Variants in ARHGEF12 observed in about 807,000 individuals in gnomAD.
The protein encoded by ARHGEF12 is Rho guanine nucleotide exchange factor 12.
A neutral mutation model predicts 211.2 loss-of-function variants in ARHGEF12; 66 were observed. The observed-to-expected ratio is 0.31, with a 90% CI of 0.26 to 0.38. The LOEUF (loss-of-function observed/expected upper bound fraction) is 0.38, where lower values mean the gene tolerates loss of function less well. ARHGEF12 is among the 10% of genes least tolerant of loss of function. The pLI, the probability that ARHGEF12 is intolerant of heterozygous loss-of-function variation, is 1.00. For synonymous variants in ARHGEF12, 592 were observed against 638.4 expected (o/e 0.93, Z 1.09); for missense variants, 1,429 against 1,869.5 (o/e 0.76, Z 4.34).
At chr11:120,359,146 T>C (rs1448294629) in intron 1 of ARHGEF12, among the ~76,000 whole-genome samples, 1 of 152,166 alleles carries the variant, frequency 6.6e-6, no homozygotes, top group Non-Finnish European at 1.5e-5. Context: ...ATCATTTCTA[T>C]AATCTGTTGG....
At chr11:120,448,386 A>G in intron 20 of ARHGEF12, 38 bp downstream of exon 20, 2 of 1,520,282 alleles carry the variant, frequency 1.3e-6, no homozygotes, top group Non-Finnish European at 1.8e-6. Flanking sequence ...TTCAGGCCTT[A>G]GGGCTTCTTT....
intron 1 of ARHGEF12, among the ~76,000 whole-genome samples, chr11:120,347,121 T>C (rs1942756878): frequency 2.1e-5 from 3 of 146,280 alleles, no homozygotes; most frequent in African/African-American, 7.8e-5. Flanking sequence ...GCCTCTCCCT[T>C]TCTTTCTTTC....
At chr11:120,467,683 C>T (rs1025881654) in intron 29 of ARHGEF12, among the ~76,000 whole-genome samples, 2 of 149,804 alleles carry the variant, frequency 1.3e-5, no homozygotes, top group Non-Finnish European at 3.0e-5. Context: ...TCAAGCAGTC[C>T]TCCTGCCTCC....
At chr11:120,390,822 A>G (rs1281397060) in intron 1 of ARHGEF12, among the ~76,000 whole-genome samples, 1 of 152,164 alleles carries the variant, frequency 6.6e-6, no homozygotes, top group Non-Finnish European at 1.5e-5. Flanking sequence ...TCCCTCTTCT[A>G]CTAGTTATAT....
chr11:120,455,006 C>G (rs1946322419), intron 22 of ARHGEF12, among the ~76,000 whole-genome samples: 1 of 151,944 alleles, frequency 6.6e-6, no homozygotes, highest in African/African-American at 2.4e-5. Context: ...TATTTTCAGA[C>G]CACCACAGCG....
intron 4 of ARHGEF12, among the ~76,000 whole-genome samples, chr11:120,418,406 T>C (rs898194450): frequency 3.9e-5 from 6 of 152,248 alleles, no homozygotes; most frequent in Admixed American, 2.6e-4. Flanking sequence ...CTTTTCTTCC[T>C]TCCTAATACA....
chr11:120,378,202 T>C (rs1315598477), intron 1 of ARHGEF12, among the ~76,000 whole-genome samples: 1 of 152,242 alleles, frequency 6.6e-6, no homozygotes, highest in Non-Finnish European at 1.5e-5. Flanking sequence ...TTTTTAATTT[T>C]AGTCATTGTA....
intron 39 of ARHGEF12, among the ~76,000 whole-genome samples, chr11:120,482,039 G>A (rs536699872): frequency 1.1e-4 from 16 of 152,140 alleles, no homozygotes; most frequent in Non-Finnish European, 1.9e-4. Flanking sequence ...GATTACAGGC[G>A]TGAGCCACCG....
intron 1 of ARHGEF12, among the ~76,000 whole-genome samples, chr11:120,377,500 A>T (rs1423307645): frequency 6.6e-6 from 1 of 151,806 alleles, no homozygotes; most frequent in Non-Finnish European, 1.5e-5. Context: ...ACAGCACCAC[A>T]CCTAGCTAAT....
At position 120,336,495 on chromosome 11, in the gene ARHGEF12, G is replaced by A. The variant is rs1942350360; in HGVS notation, c.-749G>A. On this transcript the variant is annotated 5_prime_UTR_variant, in exon 1 of 41. Transcript: ENST00000397843. Reference sequence around the variant, plus strand: ...AGGGCTTCCAGGCCGGGCCGGACGGGCATCTCCCGCCCCTCGCGGGGAGCG... The same window carrying A: ...AGGGCTTCCAGGCCGGGCCGGACGGACATCTCCCGCCCCTCGCGGGGAGCG... Among the ~76,000 whole-genome samples, 1 of 151,928 alleles carries A rather than the reference G, an allele frequency of 6.6e-6. No homozygotes were observed. The highest frequency in any genetic ancestry group is 6.6e-5 in the Admixed American group (1 of 15,262).
Position 120,336,882 on chromosome 11 carries a change from G to T in ARHGEF12, c.-362G>T, listed in dbSNP as rs1238263034. 7.3e-6 allele frequency: 3 copies of T among 411,410 alleles called. No individual in the cohort carries two copies. The highest frequency in any genetic ancestry group is 8.6e-6 in the Non-Finnish European group (2 of 233,786). The allele number at this position is 411,410 out of a possible 1,614,324, so 25.5% of individuals were successfully genotyped here. A position where few individuals can be genotyped will look rare whatever the true frequency, so the allele number is the denominator to read the frequency against. On this transcript the variant is annotated 5_prime_UTR_variant, in exon 1 of 41. Coordinates refer to ENST00000397843, the MANE Select transcript of ARHGEF12 (RefSeq NM_015313.3). Reference sequence around the variant, plus strand: ...CCGGAGGAGGAGCCGACACCCGTCCGTGAGCTGATCCCGCCCCAGCCCCGG... The same window carrying T: ...CCGGAGGAGGAGCCGACACCCGTCCTTGAGCTGATCCCGCCCCAGCCCCGG...
At chr11:120,482,086 A>G (rs1275374285) in intron 39 of ARHGEF12, among the ~76,000 whole-genome samples, 1 of 152,202 alleles carries the variant, frequency 6.6e-6, no homozygotes, top group Non-Finnish European at 1.5e-5. Flanking sequence ...GACTATCACA[A>G]GAGCAGAAAA....
intron 27 of ARHGEF12, chr11:120,463,932 A>G (rs1342946838): frequency 6.6e-6 from 1 of 152,248 alleles, no homozygotes; most frequent in Non-Finnish European, 1.5e-5. Context: ...TTAAAAAACA[A>G]TGTATTTGAC....
chr11:120,457,050 A>T, intron 22 of ARHGEF12, 68 bp from the exon 23 acceptor site: 1 of 1,513,906 alleles, frequency 6.6e-7, no homozygotes, highest in South Asian at 1.2e-5. Context: ...CTGGGAACTA[A>T]TTTTTTTTGG....
chr11:120,474,225 A>G (rs1362110539), intron 31 of ARHGEF12, among the ~76,000 whole-genome samples: 1 of 152,200 alleles, frequency 6.6e-6, no homozygotes, highest in African/African-American at 2.4e-5. Context: ...CCAGTTATTC[A>G]TAGGAAAATT....
In ARHGEF12 at chr11:120,445,437, G is replaced by T. The variant is rs1429745295; in HGVS notation, c.1318G>T (p.Val440Phe). 1.2e-6 allele frequency: 2 copies of T among 1,614,116 alleles called. No homozygotes were observed. The highest frequency in any genetic ancestry group is 1.7e-6 in the Non-Finnish European group (2 of 1,179,992). Residue 440 changes from valine to phenylalanine, a missense_variant, in exon 16 of 41, where the codon GTT (valine) becomes TTT (phenylalanine). By Grantham distance (50) the Val-to-Phe change is conservative. Around this residue, in one of 7 missense-constraint regions of ARHGEF12, gnomAD observed 373 missense variants for 467.5 expected, o/e 0.80. Coordinates refer to ENST00000397843, the MANE Select transcript of ARHGEF12 (RefSeq NM_015313.3). ...LDRSAHLKVS[V>F]PDEMSADLEK... Reference sequence around the variant, plus strand: ...TTCATTTTAGCACCTGAAAGTTTCTGTTCCTGATGAAATGTCTGCAGATCT... The same window carrying T: ...TTCATTTTAGCACCTGAAAGTTTCTTTTCCTGATGAAATGTCTGCAGATCT...
chr11:120,415,761 A>G (rs1310020385), intron 4 of ARHGEF12, among the ~76,000 whole-genome samples: 1 of 152,206 alleles, frequency 6.6e-6, no homozygotes, highest in Non-Finnish European at 1.5e-5. Context: ...AAATTTATGC[A>G]GACACCACAG....
At chr11:120,455,815 A>G (rs1230139788) in intron 22 of ARHGEF12, among the ~76,000 whole-genome samples, 2 of 152,246 alleles carry the variant, frequency 1.3e-5, no homozygotes, top group African/African-American at 4.8e-5. Flanking sequence ...GAGACTTGAT[A>G]GAATTATATA....
intron 1 of ARHGEF12, among the ~76,000 whole-genome samples, chr11:120,358,724 G>C (rs920892065): frequency 2.0e-5 from 3 of 152,130 alleles, no homozygotes; most frequent in Non-Finnish European, 4.4e-5. Flanking sequence ...CAGTACTGTT[G>C]GTTGATCATA....
Sources: allele counts gnomAD v4.1 joint callset (sites outside exome capture counted in the v4.1 genomes callset), GRCh38; gene constraint gnomAD v4.1.1; regional missense constraint gnomAD v4.1.1; transcripts MANE v1.5; gene names NCBI Gene and HGNC (gene_info 2026-07-23, HGNC 2026-07-21).